The following QTMAN variants were observed in gnomAD, a reference collection of about 807,000 sequenced individuals.
QTMAN encodes the protein tRNA-queuosine alpha-mannosyltransferase.
chr2:144,142,194 A>T, the QTMAN span: 97 of 530,774 alleles, frequency 1.8e-4, no homozygotes, highest in African/African-American at 1.8e-3. Flanking sequence ...TCATATCAGT[A>T]TCTACCAAAA....
At chr2:144,329,223 CAG>C in the QTMAN span, among the ~76,000 whole-genome samples, 2 of 151,150 alleles carry the variant, frequency 1.3e-5, no homozygotes, top group Admixed American at 1.3e-4. Flanking sequence ...GCCCGGGTGA[CAG>C]AGTGTGACTC....
the QTMAN span, among the ~76,000 whole-genome samples, chr2:144,094,847 C>CATA: frequency 6.6e-6 from 1 of 152,248 alleles, no homozygotes; most frequent in South Asian, 2.1e-4. Context: ...TCAAAGTTGC[C>CATA]CCTTGGCAAG....
the QTMAN span, among the ~76,000 whole-genome samples, chr2:143,979,161 A>T: frequency 6.8e-6 from 1 of 147,460 alleles, no homozygotes; most frequent in Non-Finnish European, 1.5e-5. Flanking sequence ...TAACAGAATT[A>T]AAAAAAAAAA....
chr2:144,041,603 G>A, the QTMAN span, among the ~76,000 whole-genome samples: 1 of 152,216 alleles, frequency 6.6e-6, no homozygotes. Flanking sequence ...ATCTCATTAA[G>A]TAGTTTGTTT....
the QTMAN span, among the ~76,000 whole-genome samples, chr2:144,017,646 G>A: frequency 6.6e-6 from 1 of 152,080 alleles, no homozygotes; most frequent in Non-Finnish European, 1.5e-5. Context: ...TGTAAAATGG[G>A]GATAATAGTA....
At chr2:144,074,286 T>C in the QTMAN span, among the ~76,000 whole-genome samples, 1 of 152,212 alleles carries the variant, frequency 6.6e-6, no homozygotes, top group African/African-American at 2.4e-5. Flanking sequence ...AAACTAATGT[T>C]ACATAATAAC....
the QTMAN span, among the ~76,000 whole-genome samples, chr2:143,971,239 G>A: frequency 1.3e-4 from 20 of 151,484 alleles, no homozygotes; most frequent in African/African-American, 4.6e-4. Flanking sequence ...CACATTTACT[G>A]AGCTCCTTTG....
chr2:144,064,718 A>G, the QTMAN span, among the ~76,000 whole-genome samples: 1 of 152,186 alleles, frequency 6.6e-6, no homozygotes, highest in Non-Finnish European at 1.5e-5. Flanking sequence ...GCAAAAAACA[A>G]AGTCATATCA....
chr2:144,118,835 C>T, the QTMAN span, among the ~76,000 whole-genome samples: 2 of 152,038 alleles, frequency 1.3e-5, no homozygotes, highest in Non-Finnish European at 2.9e-5. Context: ...GAGCCGAGAT[C>T]GCACCACTGC....
At chr2:144,330,528 G>C in the QTMAN span, among the ~76,000 whole-genome samples, 4 of 152,236 alleles carry the variant, frequency 2.6e-5, no homozygotes, top group East Asian at 7.7e-4. Context: ...AATATGAATC[G>C]ATTCTTGAAG....
At chr2:144,230,816 T>C in the QTMAN span, among the ~76,000 whole-genome samples, 11 of 152,196 alleles carry the variant, frequency 7.2e-5, no homozygotes, top group South Asian at 2.3e-3. Context: ...ATTGTTTTAA[T>C]GGGAAATATG....
the QTMAN span, among the ~76,000 whole-genome samples, chr2:144,010,037 C>T: frequency 1.1e-5 from 1 of 89,082 alleles, no homozygotes; most frequent in Non-Finnish European, 2.2e-5. Context: ...AACAGAATCA[C>T]AAACTTAGCT....
At chr2:144,221,675 T>C in the QTMAN span, among the ~76,000 whole-genome samples, 1 of 152,236 alleles carries the variant, frequency 6.6e-6, no homozygotes, top group Non-Finnish European at 1.5e-5. Context: ...CCAAATTGTT[T>C]GATATAACAA....
chr2:144,270,305 G>GTA, the QTMAN span, among the ~76,000 whole-genome samples: 6 of 152,226 alleles, frequency 3.9e-5, no homozygotes, highest in African/African-American at 1.4e-4. Context: ...CCATTACTGG[G>GTA]TATATACCCA....
the QTMAN span, among the ~76,000 whole-genome samples, chr2:144,105,483 C>T: frequency 6.6e-6 from 1 of 152,136 alleles, no homozygotes; most frequent in South Asian, 2.1e-4. Context: ...CCGATTCAAT[C>T]AACTGGAAGA....
chr2:144,306,487 T>C, the QTMAN span, among the ~76,000 whole-genome samples: 1 of 152,160 alleles, frequency 6.6e-6, no homozygotes, highest in African/African-American at 2.4e-5. Context: ...TGTACTCCCA[T>C]CAAAGAGAAA....
At chr2:144,023,232 T>C in the QTMAN span, among the ~76,000 whole-genome samples, 8 of 152,154 alleles carry the variant, frequency 5.3e-5, no homozygotes, top group East Asian at 3.9e-4. Context: ...TCAGCATGAC[T>C]TGGAAGAGCT....
the QTMAN span, among the ~76,000 whole-genome samples, chr2:144,119,137 C>T: frequency 2.6e-4 from 40 of 152,220 alleles, 1 homozygote; most frequent in South Asian, 6.6e-3. Flanking sequence ...GTTTAGGGTT[C>T]AGGAAGAAAA....
the QTMAN span, among the ~76,000 whole-genome samples, chr2:144,149,203 G>C: frequency 4.6e-5 from 7 of 151,828 alleles, no homozygotes; most frequent in East Asian, 9.7e-4. Flanking sequence ...ATCCTAACAA[G>C]GTGCATTTTA....
Sources: allele counts gnomAD v4.1 joint callset (sites outside exome capture counted in the v4.1 genomes callset), GRCh38; gene constraint gnomAD v4.1.1; transcripts MANE v1.5; gene names NCBI Gene and HGNC (gene_info 2026-07-23, HGNC 2026-07-21).